RANBP17: variants seen among roughly 807,000 people sequenced by gnomAD.
RANBP17 encodes ran-binding protein 17.
RANBP17 carries 158 observed loss-of-function variants against 141.2 expected under a neutral mutation model. The observed-to-expected ratio is 1.12, with a 90% CI of 0.98 to 1.28. RANBP17 has a LOEUF of 1.28. Among genes scored for constraint, RANBP17 ranks in the 50% most tolerant of loss-of-function variants. The pLI, the probability that RANBP17 is intolerant of heterozygous loss-of-function variation, is 0.00. For synonymous variants in RANBP17, 430 were observed against 450.0 expected (o/e 0.96, Z 0.56); for missense variants, 1,438 against 1,290.7 (o/e 1.11, Z -1.75).
intron 14 of RANBP17, among the ~76,000 whole-genome samples, chr5:171,137,920 CTCTATA>C (rs966992812): frequency 4.8e-5 from 7 of 147,182 alleles, no homozygotes; most frequent in South Asian, 2.2e-4. Context: ...TATATATCTA[CTCTATA>C]TCTATAAGTA....
chr5:171,187,865 A>G (rs1342142394), intron 18 of RANBP17, among the ~76,000 whole-genome samples: 1 of 152,200 alleles, frequency 6.6e-6, no homozygotes, highest in Non-Finnish European at 1.5e-5. Context: ...TATCATCCTT[A>G]GACAATACCA....
chr5:171,062,286 G>A (rs374841752), intron 14 of RANBP17, among the ~76,000 whole-genome samples: 23 of 152,220 alleles, frequency 1.5e-4, no homozygotes, highest in Admixed American at 2.6e-4. Context: ...ATAATTTTGC[G>A]GCGGCTGGTA....
chr5:170,889,705 A>C (rs1454187115), intron 3 of RANBP17, among the ~76,000 whole-genome samples: 1 of 152,142 alleles, frequency 6.6e-6, no homozygotes, highest in Non-Finnish European at 1.5e-5. Flanking sequence ...AAGGACCTCT[A>C]GTGTGTAGCT....
At chr5:170,995,334 T>G (rs976470584) in intron 14 of RANBP17, among the ~76,000 whole-genome samples, 1 of 152,192 alleles carries the variant, frequency 6.6e-6, no homozygotes, top group Non-Finnish European at 1.5e-5. Context: ...AAGATGGGTT[T>G]GTGTGGTTTT....
chr5:171,014,312 A>G (rs1780282923), intron 14 of RANBP17, among the ~76,000 whole-genome samples: 1 of 151,874 alleles, frequency 6.6e-6, no homozygotes. Flanking sequence ...TGTATAGACC[A>G]TTTACATGTA....
chr5:170,902,377 A>G (rs1403952285), intron 5 of RANBP17, among the ~76,000 whole-genome samples: 1 of 152,132 alleles, frequency 6.6e-6, no homozygotes, highest in East Asian at 1.9e-4. Context: ...CCATCAGGTC[A>G]TTTATGTTCT....
At chr5:171,110,862 A>AT (rs1755172208) in intron 14 of RANBP17, among the ~76,000 whole-genome samples, 1 of 134,008 alleles carries the variant, frequency 7.5e-6, no homozygotes, top group Non-Finnish European at 1.7e-5. Context: ...TTTTTTTTTT[A>AT]ATTTTTTTTT....
chr5:171,044,699 T>A (rs1347344995), intron 14 of RANBP17, among the ~76,000 whole-genome samples: 3 of 152,124 alleles, frequency 2.0e-5, no homozygotes, highest in Non-Finnish European at 2.9e-5. Context: ...AAATGATGGA[T>A]TAATTGACTG....
In RANBP17 at chr5:170,969,810, T is replaced by C. The variant is rs552295895; in HGVS notation, c.1710+1433T>C. Among the ~76,000 whole-genome samples the C allele has an allele frequency of 4.7e-4, 72 of 152,192 alleles. 1 individual carries two copies. Among genetic ancestry groups the C allele is most frequent in the South Asian group, 2.1e-4 (1 of 4,826 alleles). On this transcript the variant is annotated intron_variant, in intron 14 of 27. Coordinates refer to ENST00000523189, the MANE Select transcript of RANBP17 (RefSeq NM_022897.5). Reference sequence around the variant, plus strand: ...TTCGTTTTTGAAAAAGCTTGCACTTTAGGAAAAAGTAAACACATCACCAGA... The same window carrying C: ...TTCGTTTTTGAAAAAGCTTGCACTTCAGGAAAAAGTAAACACATCACCAGA...
intron 14 of RANBP17, among the ~76,000 whole-genome samples, chr5:171,002,078 T>C (rs1779242157): frequency 6.6e-6 from 1 of 152,052 alleles, no homozygotes; most frequent in Non-Finnish European, 1.5e-5. Flanking sequence ...CACTGAGAAG[T>C]GATTTCCTTA....
rs3080623 is a variant in RANBP17, at chr5:170,894,486, TTA to T, written c.424-1544_424-1543del. Among the ~76,000 whole-genome samples, 263 of 133,262 alleles carry T rather than the reference TTA, an allele frequency of 2.0e-3. 11 individuals are homozygous for T. Among genetic ancestry groups the T allele is most frequent in the African/African-American group, 6.8e-3 (233 of 34,234 alleles). The allele number at this position is 133,262 out of a possible 152,430, so 87.4% of individuals were successfully genotyped here. A position where few individuals can be genotyped will look rare whatever the true frequency, so the allele number is the denominator to read the frequency against. Reference sequence around the variant, plus strand: ...CCATAGAATAGTTAGTACGTGTTTTTTATATATATATATATATATATGGCTTG... The same window carrying T: ...CCATAGAATAGTTAGTACGTGTTTTTTATATATATATATATATATGGCTTG... On this transcript the variant is annotated intron_variant, in intron 4 of 27. Coordinates refer to ENST00000523189, the MANE Select transcript of RANBP17 (RefSeq NM_022897.5).
chr5:171,219,957 TGGA>T (rs1357005997), intron 21 of RANBP17, among the ~76,000 whole-genome samples: 1 of 152,056 alleles, frequency 6.6e-6, no homozygotes, highest in East Asian at 1.9e-4. Context: ...TGTGATCATT[TGGA>T]GGAGAAGAGG....
At chr5:171,178,545 A>AT (rs1760666400) in intron 16 of RANBP17, among the ~76,000 whole-genome samples, 2 of 152,108 alleles carry the variant, frequency 1.3e-5, no homozygotes, top group African/African-American at 2.4e-5. Context: ...CAGTAATGGG[A>AT]TTGCTGGGTC....
At chr5:171,077,046 AG>A (rs780221672) in intron 14 of RANBP17, among the ~76,000 whole-genome samples, 1 of 152,172 alleles carries the variant, frequency 6.6e-6, no homozygotes, top group African/African-American at 2.4e-5. Context: ...CTCCTAAAAA[AG>A]GTGTACAACA....
chr5:171,205,669 C>T (rs1222754125), intron 20 of RANBP17, 57 bp downstream of exon 20: 1 of 1,388,514 alleles, frequency 7.2e-7, no homozygotes, highest in East Asian at 2.3e-5. Flanking sequence ...TGCCAGGCCC[C>T]TCGCTTTCGT....
At chr5:171,102,206 C>T (rs780443024) in intron 14 of RANBP17, among the ~76,000 whole-genome samples, 1 of 152,152 alleles carries the variant, frequency 6.6e-6, no homozygotes, top group Non-Finnish European at 1.5e-5. Context: ...TGGTTCCATT[C>T]TTCCCGTCAC....
chr5:170,953,767 T>G, intron 13 of RANBP17, 65 bp downstream of exon 13: 1 of 1,044,226 alleles, frequency 9.6e-7, no homozygotes, highest in Non-Finnish European at 1.5e-6. Context: ...GTTATTGAAC[T>G]AGTATTATGA....
At chr5:170,894,588 C>T (rs1038551023) in intron 4 of RANBP17, among the ~76,000 whole-genome samples, 7 of 150,138 alleles carry the variant, frequency 4.7e-5, no homozygotes, top group Admixed American at 6.7e-5. Context: ...CATATGGTTC[C>T]TTTGAGTATT....
intron 18 of RANBP17, among the ~76,000 whole-genome samples, chr5:171,192,594 T>C (rs866825457): frequency 1.1e-4 from 16 of 152,162 alleles, no homozygotes; most frequent in Non-Finnish European, 8.8e-5. Context: ...AGAGTTGTCA[T>C]GTGGTTTAAA....
Sources: allele counts gnomAD v4.1 joint callset (sites outside exome capture counted in the v4.1 genomes callset), GRCh38; gene constraint gnomAD v4.1.1; transcripts MANE v1.5; gene names NCBI Gene and HGNC (gene_info 2026-07-23, HGNC 2026-07-21).